MYO15A: variants seen among roughly 807,000 people sequenced by gnomAD.
MYO15A encodes the protein myosin XVA, also known as unconventional myosin-XV.
Under a neutral mutation model 394.6 loss-of-function variants are expected in MYO15A, and 308 were observed. The ratio of observed to expected loss-of-function variants is 0.78; its 90% CI spans 0.71 to 0.86. MYO15A has a LOEUF of 0.86. MYO15A is among the 40% of genes least tolerant of loss of function. The probability of loss-of-function intolerance (pLI) is 0.00; values close to 1 mark genes in which losing one functional copy is unlikely to be tolerated. For missense variants in MYO15A, 4,606 were observed against 4,799.1 expected (o/e 0.96, Z 1.19); for synonymous variants, 1,957 against 2,003.8 (o/e 0.98, Z 0.62).
Position 18,143,614 on chromosome 17 carries a change from C to G in MYO15A, c.5959C>G (p.Gln1987Glu), listed in dbSNP as rs199945509. Residue 1987 changes from glutamine (Q) to glutamate (E), a missense_variant, in exon 26 of 66, where the codon CAG (glutamine) becomes GAG (glutamate). Gln to Glu is a conservative substitution (Grantham distance 29). Coordinates refer to ENST00000647165, the MANE Select transcript of MYO15A (RefSeq NM_016239.4). Reference sequence around the variant, plus strand: ...GGTGGAGGGGGCGCTGCTGTGGGAGCAGGAGGTGGGTGTGGGTCTGGGTGG... The same window carrying G: ...GGTGGAGGGGGCGCTGCTGTGGGAGGAGGAGGTGGGTGTGGGTCTGGGTGG... ...CQVEGALLWE[Q>E]EELSKREVVA... 2.4e-5 allele frequency: 37 copies of G among 1,567,284 alleles called. No individual in the cohort carries two copies. The highest frequency in any genetic ancestry group is 2.9e-5 in the Non-Finnish European group (34 of 1,155,516).
chr17:18,139,697 G>C, intron 19 of MYO15A, 86 bp downstream of exon 19: 1 of 1,486,328 alleles, frequency 6.7e-7, no homozygotes, highest in Admixed American at 1.8e-5. Context: ...CTGGGACCGT[G>C]TTGCCACGTC....
rs1168809295 is a variant in MYO15A, at chr17:18,148,192, G to A, written c.6673G>A (p.Asp2225Asn). The A allele has an allele frequency of 2.5e-6, 4 of 1,613,746 alleles. No homozygotes were observed. The highest frequency in any genetic ancestry group is 3.4e-6 in the Non-Finnish European group (4 of 1,180,038). ...ATYEKASMAL[D>N]VGCFNGDQFS... ...CTATGAGAAGGCCAGCATGGCGCTG[G>A]ACGTGGGCTGCTTCAATGGTAAGCT... The change falls in exon 31 of 66, where the codon GAC becomes AAC. Residue 2225 changes from aspartate (D) to asparagine (N), a missense_variant. Physicochemically the swap from Asp to Asn is conservative, Grantham distance 23. Coordinates refer to ENST00000647165, the MANE Select transcript of MYO15A (RefSeq NM_016239.4). The surrounding 1 kb of genome is among the most constrained non-coding windows in gnomAD (Gnocchi z 4.8).
chr17:18,137,543 C>G, intron 15 of MYO15A, 41 bp from the exon 16 acceptor site: 1 of 1,592,348 alleles, frequency 6.3e-7, no homozygotes, highest in Non-Finnish European at 8.6e-7. Flanking sequence ...AGGCTGGTGG[C>G]CAAGGAAGGA....
intron 4 of MYO15A, chr17:18,125,436 T>G: frequency 3.4e-6 from 2 of 593,010 alleles, no homozygotes; most frequent in Admixed American, 2.7e-5. Flanking sequence ...TGGCTCACCC[T>G]GTAATCCCAG....
rs907806809 is a variant in MYO15A, at chr17:18,136,452, T to C, written c.4632T>C (p.Thr1544=). Residue 1544 remains threonine (T), a synonymous_variant, in exon 14 of 66, where the codon ACT becomes ACC. Coordinates refer to ENST00000647165, the MANE Select transcript of MYO15A (RefSeq NM_016239.4). ...TMREKIFTPL[T]VESAVDARDA... ...GAGAGAAGATCTTCACGCCCCTAAC[T>C]GTGGAGAGCGCTGTGGATGCCAGGT... 1 of 1,613,848 alleles carries C rather than the reference T, an allele frequency of 6.2e-7. No homozygotes were observed. Among genetic ancestry groups the C allele is most frequent in the Non-Finnish European group, 8.5e-7 (1 of 1,180,028 alleles).
At chr17:18,116,002 G>A (rs2045778724) in intron 1 of MYO15A, among the ~76,000 whole-genome samples, 1 of 152,206 alleles carries the variant, frequency 6.6e-6, no homozygotes, top group South Asian at 2.1e-4. Flanking sequence ...AACTGCATGA[G>A]GGCAGGGTTT....
chr17:18,151,714 C>A, intron 40 of MYO15A, 132 bp from the exon 41 acceptor site: 1 of 1,164,496 alleles, frequency 8.6e-7, no homozygotes, highest in Non-Finnish European at 1.3e-6. Flanking sequence ...TCAGGCCAGT[C>A]TCTGCTTCTC....
chr17:18,134,936 A>G (rs1339599629), intron 12 of MYO15A, among the ~76,000 whole-genome samples: 2 of 151,908 alleles, frequency 1.3e-5, no homozygotes, highest in Non-Finnish European at 2.9e-5. Flanking sequence ...GCTGGAGTAC[A>G]GTGGCACTTT....
chr17:18,135,418 C>T (rs1355666854), intron 12 of MYO15A, among the ~76,000 whole-genome samples: 4 of 151,608 alleles, frequency 2.6e-5, no homozygotes, highest in African/African-American at 9.7e-5. Flanking sequence ...TTCGGCTCGC[C>T]ACAACCTCCA....
At position 18,136,601 on chromosome 17, in the gene MYO15A, G is replaced by T; in HGVS notation, c.4694G>T (p.Ser1565Ile). 1 of 1,613,942 alleles carries T rather than the reference G, an allele frequency of 6.2e-7. No individual in the cohort carries two copies. The highest frequency in any genetic ancestry group is 8.5e-7 in the Non-Finnish European group (1 of 1,180,030). Reference sequence around the variant, plus strand: ...AAGGTCTTGTATGCACTGCTGTTCAGCTGGCTCATCACCAGGGTCAACGCG... The same window carrying T: ...AAGGTCTTGTATGCACTGCTGTTCATCTGGCTCATCACCAGGGTCAACGCG... ...IAKVLYALLF[S>I]WLITRVNALV... The change falls in exon 15 of 66, where the codon AGC becomes ATC. Residue 1565 changes from serine (S) to isoleucine (I), a missense_variant. Ser to Ile is a moderately radical substitution (Grantham distance 142). This residue lies in a region of MYO15A where 2,776 missense variants were observed against 3,109.3 expected (regional missense o/e 0.89). Coordinates refer to ENST00000647165, the MANE Select transcript of MYO15A (RefSeq NM_016239.4).
At chr17:18,125,138 C>T (rs774036746) in intron 3 of MYO15A, 30 bp from the exon 4 acceptor site, 2 of 1,610,002 alleles carry the variant, frequency 1.2e-6, no homozygotes, top group Non-Finnish European at 1.7e-6. Flanking sequence ...GCCCTGGGGG[C>T]ACTGACGGCT....
chr17:18,140,735 G>T (rs1168544406), intron 20 of MYO15A, 52 bp from the exon 21 acceptor site: 3 of 1,614,030 alleles, frequency 1.9e-6, no homozygotes, highest in Non-Finnish European at 2.5e-6. Flanking sequence ...CTCAGAGGTT[G>T]AGCGCCTTCT....
At chr17:18,112,338 A>G (rs1252160057) in intron 1 of MYO15A, among the ~76,000 whole-genome samples, 1 of 152,160 alleles carries the variant, frequency 6.6e-6, no homozygotes, top group African/African-American at 2.4e-5. Flanking sequence ...GAGCCCCTCT[A>G]AAGTGGTGTT....
chr17:18,159,354 G>A lies in MYO15A; in HGVS notation c.9229+7G>A, dbSNP rs202102304. 6.2e-7 allele frequency: 1 copy of A among 1,614,180 alleles called. No homozygotes were observed. The highest frequency in any genetic ancestry group is 1.7e-5 in the Admixed American group (1 of 60,026). On this transcript the variant is annotated splice_region_variant and intron_variant, in intron 54 of 65. Transcript: ENST00000647165. ...GCCACCGACATGTTCCTAGGTGTGG[G>A]AGTGGGACTGCAGCCAGGGCTCTGG...
chr17:18,166,986 T>A (rs1401829377), intron 61 of MYO15A, among the ~76,000 whole-genome samples: 9 of 152,242 alleles, frequency 5.9e-5, no homozygotes, highest in Non-Finnish European at 1.3e-4. Flanking sequence ...TCTCCTACTG[T>A]GCCAGTATGT....
At chr17:18,178,728 G>A (rs763050602) in intron 65 of MYO15A, 41 bp from the exon 66 acceptor site, 4 of 1,581,328 alleles carry the variant, frequency 2.5e-6, no homozygotes, top group Non-Finnish European at 2.6e-6. Context: ...TAAGAGCTGG[G>A]GAAGTGTTGG....
Position 18,154,150 on chromosome 17 carries a change from G to A in MYO15A, c.8108G>A (p.Ser2703Asn), listed in dbSNP as rs886052678. Residue 2703 changes from serine (S) to asparagine (N), a missense_variant, in exon 44 of 66, where the codon AGC becomes AAC. Coordinates refer to ENST00000647165, the MANE Select transcript of MYO15A (RefSeq NM_016239.4). The part of the protein sequence containing the change: ...LRKEVFYPKD[S>N]YSHPVQLDLL... ...CTGCAGGTGTTTTACCCCAAGGACA[G>A]CTACAGCCATCCTGTGCAGCTTGAC... The A allele has an allele frequency of 6.2e-7, 1 of 1,613,932 alleles. No homozygotes were observed. The highest frequency in any genetic ancestry group is 2.2e-5 in the East Asian group (1 of 44,890).
chr17:18,157,093 C>T, intron 49 of MYO15A, 28 bp downstream of exon 49: 1 of 1,613,030 alleles, frequency 6.2e-7, no homozygotes, highest in African/African-American at 1.3e-5. Flanking sequence ...GGGCTGGGGG[C>T]AGGAGGGGGA....
At chr17:18,162,026 G>A (rs558722017) in intron 57 of MYO15A, among the ~76,000 whole-genome samples, 1 of 152,282 alleles carries the variant, frequency 6.6e-6, no homozygotes, top group East Asian at 1.9e-4. Flanking sequence ...GCCTCTGAAT[G>A]CTTCTCTCTG....
Sources: gnomAD v4.1 joint callset for allele counts (sites outside exome capture counted in the v4.1 genomes callset) on GRCh38, gnomAD v4.1.1 for gene constraint, gnomAD v4.1.1 regional missense constraint, Gnocchi (gnomAD v3.1) non-coding constraint, MANE v1.5 for transcripts, NCBI Gene and HGNC (gene_info 2026-07-23, HGNC 2026-07-21) for gene names.